The following RAP1B variants were observed in gnomAD, a reference collection of about 807,000 sequenced individuals.
RAP1B encodes the protein RAP1B, member of RAS oncogene family, also known as ras-related protein Rap-1b.
Under a neutral mutation model 27.5 loss-of-function variants are expected in RAP1B, and 1 was observed. That is an observed-to-expected ratio of 0.04 (90% CI 0.01 to 0.17). The LOEUF is 0.17. RAP1B is among the 10% of genes least tolerant of loss of function. RAP1B has a pLI of 1.00. For synonymous variants in RAP1B, 75 were observed against 73.1 expected (o/e 1.03, Z -0.13); for missense variants, 84 against 214.8 (o/e 0.39, Z 3.81).
chr12:68,643,225 C>CT (rs1299301330), intron 1 of RAP1B, among the ~76,000 whole-genome samples: 2 of 152,088 alleles, frequency 1.3e-5, no homozygotes, highest in Non-Finnish European at 2.9e-5. Context: ...TTCCTATCCT[C>CT]TTTTTGACTT....
In RAP1B at chr12:68,662,739, T is replaced by C. The variant is rs1402806903; in HGVS notation, c.*3490T>C. ...GCAGGCTTGTCTCATAATCTGTCAG[T>C]GAGCCTTAACATTGTGATTTGTAAG... On this transcript the variant is annotated 3_prime_UTR_variant, in exon 8 of 8. Transcript: ENST00000250559. 1.3e-5 allele frequency: 2 copies of C among 152,192 alleles called. No homozygotes were observed. The highest frequency in any genetic ancestry group is 4.8e-5 in the African/African-American group (2 of 41,452). The allele number at this position is 152,192 out of a possible 1,614,324, so 9.4% of individuals were successfully genotyped here.
rs1463203581 is a variant in RAP1B, at chr12:68,632,135, T to G, written c.-26-16564T>G. Among the ~76,000 whole-genome samples the G allele has an allele frequency of 1.9e-3, 260 of 133,692 alleles. 3 individuals carry two copies. The highest frequency in any genetic ancestry group is 3.5e-3 in the Middle Eastern group (1 of 288). The allele number at this position is 133,692 out of a possible 152,430, so 87.7% of individuals were successfully genotyped here. A position where few individuals can be genotyped will look rare whatever the true frequency, so the allele number is the denominator to read the frequency against. ...TTTTTTGGGTTTTGGATTTGTTTTT[T>G]TTTTTTTTTTGTTTGTTTTTTTTTT... On this transcript the variant is annotated intron_variant, in intron 1 of 7. Coordinates refer to ENST00000250559, the MANE Select transcript of RAP1B (RefSeq NM_001010942.3).
chr12:68,627,729 A>C (rs1871913936), intron 1 of RAP1B, among the ~76,000 whole-genome samples: 2 of 152,152 alleles, frequency 1.3e-5, no homozygotes, highest in Non-Finnish European at 2.9e-5. Flanking sequence ...AGGGTATGTT[A>C]ATTTATCTTT....
chr12:68,666,330 AAGTT>A lies in RAP1B; in HGVS notation c.*7085_*7088del, dbSNP rs1290208004. Reference sequence around the variant, plus strand: ...TCTATTTCTATTGTTTTCTAAAAAAAAGTTAGTGTCCTAGTTTAAAAGTATATAT... The same window carrying A: ...TCTATTTCTATTGTTTTCTAAAAAAAAGTGTCCTAGTTTAAAAGTATATAT... On this transcript the variant is annotated 3_prime_UTR_variant, in exon 8 of 8. Coordinates refer to ENST00000250559, the MANE Select transcript of RAP1B (RefSeq NM_001010942.3). The A allele has an allele frequency of 6.6e-6, 1 of 152,194 alleles. No homozygotes were observed. The highest frequency in any genetic ancestry group is 1.9e-4 in the East Asian group (1 of 5,200). The allele number at this position is 152,194 out of a possible 1,614,324, so 9.4% of individuals were successfully genotyped here. A position where few individuals can be genotyped will look rare whatever the true frequency, so the allele number is the denominator to read the frequency against.
At chr12:68,642,102 G>A (rs1201268549) in intron 1 of RAP1B, among the ~76,000 whole-genome samples, 1 of 152,018 alleles carries the variant, frequency 6.6e-6, no homozygotes, top group Non-Finnish European at 1.5e-5. Context: ...CTCATTAGTT[G>A]GTATAATTGG....
rs1874558572 is a variant in RAP1B, at chr12:68,660,901, T to C, written c.*1652T>C. The C allele has an allele frequency of 6.6e-6, 1 of 152,222 alleles. No homozygotes were observed. The highest frequency in any genetic ancestry group is 1.5e-5 in the Non-Finnish European group (1 of 68,024). 9.4% of individuals were successfully genotyped at this position (152,222 alleles called of 1,614,324 possible). ...TTAAAATACAGGATTGAAGTTAGAA[T>C]ATTGTGGTTATAAAAATCTTTGAGT... On this transcript the variant is annotated 3_prime_UTR_variant, in exon 8 of 8. Transcript: ENST00000250559.
At chr12:68,635,674 C>G (rs1025742577) in intron 1 of RAP1B, among the ~76,000 whole-genome samples, 2 of 151,890 alleles carry the variant, frequency 1.3e-5, no homozygotes, top group Non-Finnish European at 2.9e-5. Context: ...AGGCTGGTCT[C>G]GAACTCCTGA....
intron 1 of RAP1B, 147 bp from the exon 2 acceptor site, chr12:68,648,551 TA>T: frequency 1.6e-6 from 1 of 619,704 alleles, no homozygotes; most frequent in Non-Finnish European, 2.7e-6. Context: ...GAGCATCTTT[TA>T]ATAAGTCTGC....
intron 1 of RAP1B, among the ~76,000 whole-genome samples, chr12:68,623,096 T>G (rs1871499160): frequency 6.6e-6 from 1 of 152,268 alleles, no homozygotes; most frequent in African/African-American, 2.4e-5. Context: ...TTGATCTGAT[T>G]GCATGTTATT....
chr12:68,645,475 G>C (rs1032842962), intron 1 of RAP1B, among the ~76,000 whole-genome samples: 7 of 152,174 alleles, frequency 4.6e-5, no homozygotes, highest in African/African-American at 9.7e-5. Flanking sequence ...TTAGGGAATT[G>C]ACATATTTCA....
At position 68,665,126 on chromosome 12, in the gene RAP1B, G is replaced by C. The variant is rs772835694; in HGVS notation, c.*5877G>C. On this transcript the variant is annotated 3_prime_UTR_variant, in exon 8 of 8. Transcript: ENST00000250559. ...ATAACATAGGGAGACCCTGTCACTTGACAAAAGTATCTTTCCCTACTGGAA... is the reference window on the plus strand; with the variant it reads ...ATAACATAGGGAGACCCTGTCACTTCACAAAAGTATCTTTCCCTACTGGAA... 1 of 152,250 alleles carries C rather than the reference G, an allele frequency of 6.6e-6. No homozygotes were observed. The highest frequency in any genetic ancestry group is 1.5e-5 in the Non-Finnish European group (1 of 68,078). 9.4% of individuals were successfully genotyped at this position (152,250 alleles called of 1,614,324 possible).
At chr12:68,618,191 A>G (rs1403231449) in intron 1 of RAP1B, among the ~76,000 whole-genome samples, 3 of 149,074 alleles carry the variant, frequency 2.0e-5, no homozygotes, top group African/African-American at 5.0e-5. Flanking sequence ...GGTTCAAGCA[A>G]TTCACCTGCC....
intron 3 of RAP1B, chr12:68,651,739 T>A (rs563761122): frequency 4.0e-4 from 167 of 422,342 alleles, no homozygotes; most frequent in African/African-American, 3.0e-3. Context: ...GAATCCATAT[T>A]GAGACTGGTT....
At chr12:68,638,118 T>G (rs1872752663) in intron 1 of RAP1B, among the ~76,000 whole-genome samples, 1 of 152,238 alleles carries the variant, frequency 6.6e-6, no homozygotes, top group African/African-American at 2.4e-5. Flanking sequence ...CTTTAATGTT[T>G]TATAGTACAG....
At chr12:68,638,635 T>G (rs1244283658) in intron 1 of RAP1B, among the ~76,000 whole-genome samples, 1 of 152,160 alleles carries the variant, frequency 6.6e-6, no homozygotes, top group African/African-American at 2.4e-5. Flanking sequence ...GTGCAATTTA[T>G]TTTTTTATAG....
chr12:68,611,384 C>T (rs1482481760), intron 1 of RAP1B, among the ~76,000 whole-genome samples: 2 of 146,040 alleles, frequency 1.4e-5, no homozygotes, highest in Non-Finnish European at 3.0e-5. Flanking sequence ...CCGCGTCCGC[C>T]GCAGCTTCTC....
At chr12:68,635,501 G>A (rs1048475935) in intron 1 of RAP1B, among the ~76,000 whole-genome samples, 4 of 152,168 alleles carry the variant, frequency 2.6e-5, no homozygotes, top group African/African-American at 9.7e-5. Context: ...TGTCACCCAG[G>A]CTGGAGTGCA....
chr12:68,642,149 C>T (rs1433124199), intron 1 of RAP1B, among the ~76,000 whole-genome samples: 1 of 152,156 alleles, frequency 6.6e-6, no homozygotes, highest in Non-Finnish European at 1.5e-5. Flanking sequence ...AAATGTACTA[C>T]ATTTGCAGAT....
intron 1 of RAP1B, chr12:68,627,145 C>G: frequency 6.3e-7 from 1 of 1,574,820 alleles, no homozygotes; most frequent in Non-Finnish European, 8.6e-7. Context: ...GCCACAGTGC[C>G]CTGGGGCTTC....
Sources: allele counts gnomAD v4.1 joint callset (sites outside exome capture counted in the v4.1 genomes callset), GRCh38; gene constraint gnomAD v4.1.1; transcripts MANE v1.5; gene names NCBI Gene and HGNC (gene_info 2026-07-23, HGNC 2026-07-21).